Variants in EXOSC7 observed in about 807,000 individuals in gnomAD.
EXOSC7 encodes the protein exosome component 7.
Under a neutral mutation model 34.3 loss-of-function variants are expected in EXOSC7, and 25 were observed. The observed-to-expected ratio is 0.73, with a 90% CI of 0.53 to 1.02. EXOSC7 has a LOEUF of 1.02. EXOSC7 is among the 50% of genes least tolerant of loss of function. EXOSC7 has a pLI of 0.00. For missense variants in EXOSC7, 370 were observed against 368.5 expected (o/e 1.00, Z -0.03); for synonymous variants, 130 against 143.0 (o/e 0.91, Z 0.65).
At chr3:44,988,985 T>C (rs779106658) in intron 1 of EXOSC7, among the ~76,000 whole-genome samples, 155 bp from the exon 2 acceptor site, 3 of 152,160 alleles carry the variant, frequency 2.0e-5, no homozygotes, top group Non-Finnish European at 4.4e-5. Context: ...AAAATAGTAA[T>C]GTTGTTGTTA....
chr3:45,001,946 G>A (rs562510608), intron 5 of EXOSC7: 1 of 258,090 alleles, frequency 3.9e-6, no homozygotes. Flanking sequence ...TGAACTCTAT[G>A]GGGGCAAGGA....
Position 44,984,448 on chromosome 3 carries a change from CAG to C in EXOSC7, c.58-4689_58-4688del, listed in dbSNP as rs1269885360. 2.2e-4 allele frequency among the ~76,000 whole-genome samples: 33 copies of C among 149,488 alleles called. No individual in the cohort carries two copies. In the Admixed American group the frequency reaches 2.2e-3, roughly 10 times the overall value. On this transcript the variant is annotated intron_variant, in intron 1 of 7. Transcript: ENST00000265564. ...CACCACTGCACTACAGCCTGGGTGA[CAG>C]AGTGAGATCCTGTCTCAAAAAAAAA...
chr3:44,994,742 C>T (rs1334490749), intron 3 of EXOSC7, among the ~76,000 whole-genome samples: 1 of 152,058 alleles, frequency 6.6e-6, no homozygotes, highest in Non-Finnish European at 1.5e-5. Context: ...TTCCTAGCCT[C>T]CTCCCCAGAG....
In EXOSC7 at chr3:44,995,801, A is replaced by G. The variant is rs577699684; in HGVS notation, c.255-1286A>G. Reference sequence around the variant, plus strand: ...AAATTTTATGTAACAACATAGTCTGATTAATTTGGGATTCATTCTTCCACC... The same window carrying G: ...AAATTTTATGTAACAACATAGTCTGGTTAATTTGGGATTCATTCTTCCACC... On this transcript the variant is annotated intron_variant, in intron 3 of 7. Transcript: ENST00000265564. 2.0e-5 allele frequency among the ~76,000 whole-genome samples: 3 copies of G among 152,320 alleles called. No individual in the cohort carries two copies. The East Asian group carries it at 5.8e-4, about 29-fold the overall frequency.
chr3:44,981,144 T>A (rs753995214), intron 1 of EXOSC7, among the ~76,000 whole-genome samples: 3 of 152,192 alleles, frequency 2.0e-5, no homozygotes, highest in Non-Finnish European at 4.4e-5. Flanking sequence ...GAATGGACAT[T>A]ATCATAAAGT....
chr3:45,005,517 C>A, intron 6 of EXOSC7, 103 bp downstream of exon 6: 1 of 1,184,658 alleles, frequency 8.4e-7, no homozygotes, highest in Non-Finnish European at 1.2e-6. Flanking sequence ...TGTAATACCA[C>A]ACACCATATA....
At position 44,976,293 on chromosome 3, in the gene EXOSC7, C is replaced by G. The variant is rs763313878; in HGVS notation, c.16C>G (p.Leu6Val). The change falls in exon 1 of 8, where the codon CTG becomes GTG. Residue 6 changes from leucine to valine, a missense_variant. Around this residue, in one of 3 missense-constraint regions of EXOSC7, gnomAD observed 95 missense variants for 79.8 expected, o/e 1.19. Coordinates refer to ENST00000265564, the MANE Select transcript of EXOSC7 (RefSeq NM_015004.4). MASVTLSEAEKVYIVH... is the reference protein window; with the variant it reads MASVTVSEAEKVYIVH... ...GCTCGGCAGCATGGCGTCCGTGACGCTGAGCGAGGCGGAGAAGGTGTACAT... is the reference window on the plus strand; with the variant it reads ...GCTCGGCAGCATGGCGTCCGTGACGGTGAGCGAGGCGGAGAAGGTGTACAT... 6.4e-7 allele frequency: 1 copy of G among 1,562,058 alleles called. No individual in the cohort carries two copies.
At position 44,980,091 on chromosome 3, in the gene EXOSC7, G is replaced by T. The variant is rs1475912347; in HGVS notation, c.57+3757G>T. Among the ~76,000 whole-genome samples the T allele has an allele frequency of 5.3e-5, 8 of 152,132 alleles. 1 individual carries two copies. The highest frequency in any genetic ancestry group is 3.9e-4 in the Admixed American group (6 of 15,274). On this transcript the variant is annotated intron_variant, in intron 1 of 7. Transcript: ENST00000265564. ...TAGCTGGAACTGTGGAGGAAGGGCTGCCCAACATAAGTCATAGTCTTCGAT... is the reference window on the plus strand; with the variant it reads ...TAGCTGGAACTGTGGAGGAAGGGCTTCCCAACATAAGTCATAGTCTTCGAT...
chr3:44,998,058 T>C (rs1706774605), intron 4 of EXOSC7, among the ~76,000 whole-genome samples: 1 of 146,592 alleles, frequency 6.8e-6, no homozygotes, highest in South Asian at 2.1e-4. Flanking sequence ...TTTTTTGAGA[T>C]GGAGTCTTGC....
At chr3:44,994,989 T>C (rs1005279343) in intron 3 of EXOSC7, among the ~76,000 whole-genome samples, 3 of 151,786 alleles carry the variant, frequency 2.0e-5, no homozygotes, top group African/African-American at 7.3e-5. Context: ...TTTGTTGTTG[T>C]TGTTGTTATT....
intron 4 of EXOSC7, among the ~76,000 whole-genome samples, chr3:44,999,996 ATACT>A (rs997316219): frequency 1.3e-5 from 2 of 150,088 alleles, no homozygotes; most frequent in African/African-American, 2.5e-5. Context: ...CCATGTTTTC[ATACT>A]TACTTACTTC....
chr3:45,011,782 C>T (rs2125975902), downstream of EXOSC7, among the ~76,000 whole-genome samples: 1 of 152,344 alleles, frequency 6.6e-6, no homozygotes, highest in African/African-American at 2.4e-5. Context: ...GGTACACACC[C>T]AGGGCGTCTG....
intron 7 of EXOSC7, 65 bp from the exon 8 acceptor site, chr3:45,011,170 T>G (rs2125975629): frequency 2.3e-6 from 2 of 888,504 alleles, no homozygotes; most frequent in Non-Finnish European, 3.4e-6. Context: ...AAAGGAATGC[T>G]TTTCTGGTCA....
At chr3:45,005,484 G>A (rs1559751461) in intron 6 of EXOSC7, 70 bp downstream of exon 6, 21 of 1,502,956 alleles carry the variant, frequency 1.4e-5, no homozygotes, top group South Asian at 6.1e-5. Context: ...AACCTGCTGA[G>A]GTTACTTAAT....
At position 45,005,421 on chromosome 3, in the gene EXOSC7, C is replaced by T. The variant is rs372330165; in HGVS notation, c.615+7C>T. 4 of 1,612,668 alleles carry T rather than the reference C, an allele frequency of 2.5e-6. No individual in the cohort carries two copies. The highest frequency in any genetic ancestry group is 3.4e-6 in the Non-Finnish European group (4 of 1,178,840). ...CATTGTCACTCTGTGCAAGGTATAA[C>T]TTGTATTTTATGGTTTTTGTCTTCC... is the stretch of plus-strand genomic sequence containing the variant. On this transcript the variant is annotated splice_region_variant and intron_variant, in intron 6 of 7. Transcript: ENST00000265564.
At chr3:44,996,071 GCTTTGGGT>G (rs996480755) in intron 3 of EXOSC7, among the ~76,000 whole-genome samples, 39 of 152,266 alleles carry the variant, frequency 2.6e-4, no homozygotes, top group South Asian at 1.7e-3. Context: ...GGAACTGCTG[GCTTTGGGT>G]CTGCATCCAC....
chr3:44,998,023 TTTTTTTTG>T (rs1259851610), intron 4 of EXOSC7, among the ~76,000 whole-genome samples: 6 of 150,500 alleles, frequency 4.0e-5, no homozygotes, highest in Admixed American at 3.3e-4. Flanking sequence ...TCTAATTAAT[TTTTTTTTG>T]TTTTTTTGTT....
At chr3:44,995,726 G>C (rs1335250916) in intron 3 of EXOSC7, among the ~76,000 whole-genome samples, 1 of 152,186 alleles carries the variant, frequency 6.6e-6, no homozygotes, top group Non-Finnish European at 1.5e-5. Flanking sequence ...CTTTAAAGGG[G>C]ATTCTGCTGG....
chr3:44,998,802 G>GA (rs1174706198), intron 4 of EXOSC7, among the ~76,000 whole-genome samples: 1 of 152,144 alleles, frequency 6.6e-6, no homozygotes, highest in Non-Finnish European at 1.5e-5. Context: ...CTTGTAGTAT[G>GA]ATTCCTACTA....
Sources: gnomAD v4.1 joint callset for allele counts (sites outside exome capture counted in the v4.1 genomes callset) on GRCh38, gnomAD v4.1.1 for gene constraint, gnomAD v4.1.1 regional missense constraint, MANE v1.5 for transcripts, NCBI Gene and HGNC (gene_info 2026-07-23, HGNC 2026-07-21) for gene names.